DOCK3: variants seen among roughly 807,000 people sequenced by gnomAD.
DOCK3 encodes dedicator of cytokinesis 3.
Under a neutral mutation model 265.6 loss-of-function variants are expected in DOCK3, and 60 were observed. The ratio of observed to expected loss-of-function variants is 0.23; its 90% confidence interval spans 0.18 to 0.28. The LOEUF is 0.28. Among genes scored for constraint, DOCK3 ranks in the 10% least tolerant of loss-of-function variants. The pLI is 1.00. For missense variants in DOCK3, 1,981 were observed against 2,594.3 expected, an observed-to-expected ratio of 0.76 and a Z score of 5.14; for synonymous variants, 881 against 938.0, an observed-to-expected ratio of 0.94 and a Z score of 1.11.
At chr3:51,364,822 A>G (rs1450763344) in intron 49 of DOCK3, among the ~76,000 whole-genome samples, 2 of 152,070 alleles carry the variant, frequency 1.3e-5, no homozygotes, top group East Asian at 1.9e-4. Flanking sequence ...TGAGGGTTCT[A>G]TTCTGTTCCA....
intron 5 of DOCK3, among the ~76,000 whole-genome samples, chr3:51,059,491 A>AC (rs1293147036): frequency 7.1e-6 from 1 of 140,126 alleles, no homozygotes; most frequent in African/African-American, 2.7e-5. Context: ...ACACACACAC[A>AC]CACCCCACAT....
At chr3:50,903,441 T>C (rs1202182410) in intron 4 of DOCK3, among the ~76,000 whole-genome samples, 1 of 152,220 alleles carries the variant, frequency 6.6e-6, no homozygotes, top group Admixed American at 6.5e-5. Context: ...TTTTTGTCTT[T>C]AGTTCTGTTT....
At chr3:50,919,042 G>C (rs1299111794) in intron 4 of DOCK3, among the ~76,000 whole-genome samples, 1 of 152,002 alleles carries the variant, frequency 6.6e-6, no homozygotes, top group Non-Finnish European at 1.5e-5. Flanking sequence ...TCTTGTTTTT[G>C]TCAGGTTTGT....
chr3:50,975,751 C>A (rs987770618), intron 5 of DOCK3, among the ~76,000 whole-genome samples: 2 of 152,018 alleles, frequency 1.3e-5, no homozygotes, highest in Admixed American at 6.6e-5. Flanking sequence ...GGTAGAATTC[C>A]GCTGTGAATC....
At chr3:50,796,257 TC>T (rs2042772550) in intron 2 of DOCK3, among the ~76,000 whole-genome samples, 1 of 151,854 alleles carries the variant, frequency 6.6e-6, no homozygotes, top group South Asian at 2.1e-4. Flanking sequence ...GGTCTGGATC[TC>T]CTGACCTCGT....
At chr3:50,799,909 G>A (rs2042985690) in intron 2 of DOCK3, among the ~76,000 whole-genome samples, 1 of 152,176 alleles carries the variant, frequency 6.6e-6, no homozygotes, top group East Asian at 1.9e-4. Context: ...TCATCATGAA[G>A]GGATGTTGAA....
intron 5 of DOCK3, among the ~76,000 whole-genome samples, chr3:50,987,696 C>T (rs925253072): frequency 4.6e-5 from 7 of 152,098 alleles, no homozygotes; most frequent in African/African-American, 1.2e-4. Flanking sequence ...GCATGGAGAA[C>T]GAAGAAAAGG....
chr3:51,254,471 A>G (rs2079437263), intron 22 of DOCK3, among the ~76,000 whole-genome samples: 1 of 152,166 alleles, frequency 6.6e-6, no homozygotes, highest in African/African-American at 2.4e-5. Context: ...GTGGGGTGTT[A>G]AAGTCTCCCA....
intron 9 of DOCK3, among the ~76,000 whole-genome samples, chr3:51,131,660 A>G (rs189663864): frequency 6.6e-6 from 1 of 152,258 alleles, no homozygotes; most frequent in African/African-American, 2.4e-5. Flanking sequence ...ACCTCTAGGA[A>G]CACCATGATT....
At chr3:51,195,100 CA>C (rs2088200863) in intron 12 of DOCK3, among the ~76,000 whole-genome samples, 1 of 152,134 alleles carries the variant, frequency 6.6e-6, no homozygotes, top group Non-Finnish European at 1.5e-5. Flanking sequence ...GCTGGGATTA[CA>C]GGCATGAGCC....
intron 3 of DOCK3, among the ~76,000 whole-genome samples, chr3:50,866,238 G>A (rs1269393796): frequency 6.6e-6 from 1 of 152,208 alleles, no homozygotes; most frequent in Non-Finnish European, 1.5e-5. Flanking sequence ...TGTAATCCCA[G>A]CACTTTGGGA....
rs9821062 is a variant in DOCK3 at position 51,146,108 on chromosome 3, A to G, written c.747-441A>G. ...CAGCCCAGGGTTGGGGACTTCTGATATAGAAGATGTAAATTTGGTAATGTA... is the reference window on the plus strand; with the variant it reads ...CAGCCCAGGGTTGGGGACTTCTGATGTAGAAGATGTAAATTTGGTAATGTA... On this transcript the variant is annotated intron_variant, in intron 9 of 52. Coordinates refer to ENST00000266037, the MANE Select transcript of DOCK3 (RefSeq NM_004947.5). Among the ~76,000 whole-genome samples, 556 of 152,322 alleles carry G rather than the reference A, an allele frequency of 3.7e-3. 4 individuals carry two copies. Among genetic ancestry groups the G allele is most frequent in the African/African-American group, 0.013 (534 of 41,580 alleles).
intron 27 of DOCK3, among the ~76,000 whole-genome samples, chr3:51,290,923 C>T (rs1489691278): frequency 6.6e-6 from 1 of 151,928 alleles, no homozygotes; most frequent in Non-Finnish European, 1.5e-5. Context: ...ACTAAAAATA[C>T]AAAAATTAGC....
At chr3:51,082,521 A>T (rs1033904734) in intron 7 of DOCK3, among the ~76,000 whole-genome samples, 3 of 152,210 alleles carry the variant, frequency 2.0e-5, no homozygotes, top group African/African-American at 7.2e-5. Context: ...TGAGAGCTGC[A>T]TGTCTGGGGC....
intron 5 of DOCK3, among the ~76,000 whole-genome samples, chr3:50,974,979 T>C (rs1215757703): frequency 4.7e-5 from 7 of 148,090 alleles, no homozygotes; most frequent in Non-Finnish European, 7.5e-5. Context: ...GTGATTTTTG[T>C]ACATTGATTT....
chr3:51,283,384 A>G (rs942791178), intron 27 of DOCK3, among the ~76,000 whole-genome samples: 2 of 152,116 alleles, frequency 1.3e-5, no homozygotes, highest in African/African-American at 4.8e-5. Flanking sequence ...TAATTCACCA[A>G]CTCTGGGAGG....
intron 27 of DOCK3, among the ~76,000 whole-genome samples, chr3:51,303,671 A>C (rs1236706856): frequency 2.0e-5 from 3 of 152,006 alleles, no homozygotes; most frequent in Non-Finnish European, 4.4e-5. Context: ...CCCTTTTTGT[A>C]GGGCTGCTCT....
chr3:51,334,671 G>A (rs1037190157), intron 35 of DOCK3, among the ~76,000 whole-genome samples: 4 of 152,176 alleles, frequency 2.6e-5, no homozygotes, highest in South Asian at 2.1e-4. Context: ...CACCAGGTCC[G>A]TAGCTTCTCC....
chr3:51,089,772 G>T (rs1309715102), intron 8 of DOCK3, among the ~76,000 whole-genome samples: 1 of 151,402 alleles, frequency 6.6e-6, no homozygotes, highest in Non-Finnish European at 1.5e-5. Context: ...CATGATGGTG[G>T]GTGCCTGTAA....
Sources: allele counts gnomAD v4.1 joint callset (sites outside exome capture counted in the v4.1 genomes callset), GRCh38; gene constraint gnomAD v4.1.1; transcripts MANE v1.5; gene names NCBI Gene and HGNC (gene_info 2026-07-23, HGNC 2026-07-21).